Variants in MGAT3 observed in about 807,000 individuals in gnomAD.
MGAT3 encodes GlcNAc-T III.
In MGAT3, 9 loss-of-function variants were observed where a neutral mutation model predicts 29.8. The observed-to-expected ratio is 0.30, with a 90% CI of 0.18 to 0.53. MGAT3 has a LOEUF of 0.53. Among genes scored for constraint, MGAT3 ranks in the 20% least tolerant of loss-of-function variants. The probability of loss-of-function intolerance (pLI) is 0.96; values close to 1 mark genes in which losing one functional copy is unlikely to be tolerated. For missense variants in MGAT3, 557 were observed against 769.5 expected, an observed-to-expected ratio of 0.72 and a Z score of 3.27; for synonymous variants, 397 against 348.9, an observed-to-expected ratio of 1.14 and a Z score of -1.54.
intron 1 of MGAT3, among the ~76,000 whole-genome samples, chr22:39,482,525 C>T (rs1929155541): frequency 6.6e-6 from 1 of 152,178 alleles, no homozygotes; most frequent in Admixed American, 6.5e-5. Flanking sequence ...CTCGTTTTCT[C>T]CATCTGTTAA....
At chr22:39,466,925 G>T (rs191340981) in intron 1 of MGAT3, among the ~76,000 whole-genome samples, 2 of 152,104 alleles carry the variant, frequency 1.3e-5, no homozygotes, top group Non-Finnish European at 2.9e-5. Context: ...CTTTGTGCCC[G>T]GTACAGAGCA....
intron 1 of MGAT3, among the ~76,000 whole-genome samples, chr22:39,482,139 C>T (rs1475429855): frequency 6.8e-6 from 1 of 146,250 alleles, no homozygotes; most frequent in Admixed American, 7.1e-5. Context: ...AGAAAGTAGG[C>T]ACTGCTAATT....
At position 39,490,942 on chromosome 22, in the gene MGAT3, G is replaced by A. The variant is rs541533597; in HGVS notation, c.*1993G>A. On this transcript the variant is annotated 3_prime_UTR_variant, in exon 2 of 2. Transcript: ENST00000341184. ...GCTAAAGGGGATGCAGGGTCTGTCTGTCTGTCTGTCTTTCAGTCTGAGGAA... is the reference window on the plus strand; with the variant it reads ...GCTAAAGGGGATGCAGGGTCTGTCTATCTGTCTGTCTTTCAGTCTGAGGAA... 6.0e-6 allele frequency: 1 copy of A among 167,092 alleles called. No homozygotes were observed. Among genetic ancestry groups the A allele is most frequent in the Non-Finnish European group, 1.5e-5 (1 of 68,146 alleles). The allele number at this position is 167,092 out of a possible 1,614,324, so 10.4% of individuals were successfully genotyped here. A position where few individuals can be genotyped will look rare whatever the true frequency, so the allele number is the denominator to read the frequency against.
chr22:39,472,529 G>A (rs1045025172), intron 1 of MGAT3, among the ~76,000 whole-genome samples: 3 of 152,132 alleles, frequency 2.0e-5, no homozygotes, highest in African/African-American at 7.2e-5. Context: ...TTTACTGAGC[G>A]CTTGGCCCTG....
At position 39,487,923 on chromosome 22, in the gene MGAT3, C is replaced by A; in HGVS notation, c.576C>A (p.Asn192Lys). Residue 192 changes from asparagine (N) to lysine (K), a missense_variant, in exon 2 of 2, where the codon AAC (asparagine) becomes AAA (lysine). Asn to Lys is a moderately conservative substitution (Grantham distance 94, BLOSUM62 0). Around this residue, in one of 3 missense-constraint regions of MGAT3, gnomAD observed 243 missense variants for 444.0 expected, o/e 0.55. Coordinates refer to ENST00000341184, the MANE Select transcript of MGAT3 (RefSeq NM_002409.5). The surrounding 1 kb of genome is among the most constrained non-coding windows in gnomAD (Gnocchi z 5.7). ...CGVPTVVQYS[N>K]LPTKERLVPR... ...TGCCCACTGTGGTGCAGTACTCCAA[C>A]CTGCCCACCAAGGAGCGGCTGGTGC... 1.2e-6 allele frequency: 2 copies of A among 1,606,684 alleles called. No individual in the cohort carries two copies. The highest frequency in any genetic ancestry group is 1.7e-5 in the Admixed American group (1 of 59,674).
intron 1 of MGAT3, among the ~76,000 whole-genome samples, chr22:39,473,133 A>T (rs1461202081): frequency 6.6e-6 from 1 of 151,996 alleles, no homozygotes; most frequent in Non-Finnish European, 1.5e-5. Context: ...GCCCCGTCAG[A>T]GGGCGGCTCT....
chr22:39,463,247 A>G (rs887118219), intron 1 of MGAT3, among the ~76,000 whole-genome samples: 3 of 152,196 alleles, frequency 2.0e-5, no homozygotes, highest in African/African-American at 7.2e-5. Flanking sequence ...GGCAAGCACT[A>G]TTATCATCCC....
intron 1 of MGAT3, among the ~76,000 whole-genome samples, chr22:39,458,212 A>C (rs1269398295): frequency 1.3e-5 from 2 of 152,006 alleles, no homozygotes; most frequent in African/African-American, 4.8e-5. Context: ...GCAAATAGTG[A>C]GTTCTGGAAC....
intron 1 of MGAT3, among the ~76,000 whole-genome samples, chr22:39,481,183 T>C (rs1191228022): frequency 1.3e-5 from 2 of 152,128 alleles, no homozygotes; most frequent in Non-Finnish European, 2.9e-5. Context: ...CTGGCGCACA[T>C]ACACTCCTGC....
At chr22:39,471,979 G>A (rs8140881) in intron 1 of MGAT3, among the ~76,000 whole-genome samples, 3 of 152,152 alleles carry the variant, frequency 2.0e-5, no homozygotes, top group Non-Finnish European at 2.9e-5. Context: ...CCTAGAGGGC[G>A]AGGTATTGGA....
rs1568997696 is a variant in MGAT3 at position 39,459,083 on chromosome 22, T to TTCTTTTCTTTTCTTTTC, written c.-2+1527_-2+1528insCTTTTCTTTTCTTTTCT. On this transcript the variant is annotated intron_variant, in intron 1 of 1. Coordinates refer to ENST00000341184, the MANE Select transcript of MGAT3 (RefSeq NM_002409.5). ...TTTTCTTTTCTTTTCTTTTTTTTTTTTTTTTTTTGAGATGGAGCCTCACTC... is the reference window on the plus strand; with the variant it reads ...TTTTCTTTTCTTTTCTTTTTTTTTTTTCTTTTCTTTTCTTTTCTTTTTTTTGAGATGGAGCCTCACTC... Among the ~76,000 whole-genome samples the TTCTTTTCTTTTCTTTTC allele has an allele frequency of 4.4e-3, 651 of 147,016 alleles. 4 individuals carry two copies. The highest frequency in any genetic ancestry group is 0.016 in the African/African-American group (622 of 39,314).
Position 39,457,840 on chromosome 22 carries a change from CG to C in MGAT3, c.-2+285del. Among the ~76,000 whole-genome samples the C allele has an allele frequency of 6.6e-6, 1 of 151,436 alleles. No homozygotes were observed. Among genetic ancestry groups the C allele is most frequent in the South Asian group, 2.1e-4 (1 of 4,828 alleles). On this transcript the variant is annotated intron_variant, in intron 1 of 1. Transcript: ENST00000341184. The surrounding 1 kb of genome is among the most constrained non-coding windows in gnomAD (Gnocchi z 6.8). ...AGCCTCAGCGCCCGACCCCCTCCCA[CG>C]GCCGGGCGGGGGACGTCCCCGAGGC...
intron 1 of MGAT3, among the ~76,000 whole-genome samples, chr22:39,472,412 C>G (rs1004337885): frequency 1.3e-5 from 2 of 152,322 alleles, no homozygotes; most frequent in Non-Finnish European, 2.9e-5. Context: ...CTATCCTCGT[C>G]CCACTGAGAA....
intron 1 of MGAT3, among the ~76,000 whole-genome samples, chr22:39,475,644 T>C (rs1346003724): frequency 6.6e-6 from 1 of 152,102 alleles, no homozygotes; most frequent in East Asian, 1.9e-4. Context: ...CCTGGGATGC[T>C]CCCTTGCTCC....
At chr22:39,464,264 G>A (rs1270000191) in intron 1 of MGAT3, among the ~76,000 whole-genome samples, 2 of 152,088 alleles carry the variant, frequency 1.3e-5, no homozygotes, top group African/African-American at 4.8e-5. Context: ...TGCTACCTGG[G>A]GCCTGGCACA....
In MGAT3 at chr22:39,487,393, GGCC is replaced by G; in HGVS notation, c.47_49del (p.Gly16_Leu17delinsVal). On this transcript the variant is annotated inframe_deletion, in exon 2 of 2. Coordinates refer to ENST00000341184, the MANE Select transcript of MGAT3 (RefSeq NM_002409.5). This position sits in a 1 kb window ranked among gnomAD's most constrained non-coding sequence, Gnocchi z 5.7. ...GCTCTTTCTCATGTTCTGTATGGCC[GGCC>G]TGTGCCTCATCTCCTTCCTGCACTT... 1 of 1,613,462 alleles carries G rather than the reference GGCC, an allele frequency of 6.2e-7. No individual in the cohort carries two copies. Among genetic ancestry groups the G allele is most frequent in the Non-Finnish European group, 8.5e-7 (1 of 1,179,942 alleles).
chr22:39,488,317 C>A lies in MGAT3; in HGVS notation c.970C>A (p.Arg324Ser), dbSNP rs147617044. 17 of 1,611,886 alleles carry A rather than the reference C, an allele frequency of 1.1e-5. No individual in the cohort carries two copies. Among genetic ancestry groups the A allele is most frequent in the African/African-American group, 2.7e-5 (2 of 74,954 alleles). ...IIDDADEIPA[R>S]DGVLFLKLYD... ...TGACGATGCGGACGAGATCCCGGCC[C>A]GTGACGGCGTCCTTTTCCTCAAGCT... The change falls in exon 2 of 2, where the codon CGT (arginine) becomes AGT (serine). Residue 324 changes from arginine to serine, a missense_variant. Physicochemically the swap from Arg to Ser is moderately radical, Grantham distance 110 (BLOSUM62 -1). This residue lies in a region of MGAT3 where 243 missense variants were observed against 444.0 expected (regional missense o/e 0.55). Coordinates refer to ENST00000341184, the MANE Select transcript of MGAT3 (RefSeq NM_002409.5).
At chr22:39,467,829 A>AAG (rs1555886579) in intron 1 of MGAT3, among the ~76,000 whole-genome samples, 136 of 149,580 alleles carry the variant, frequency 9.1e-4, no homozygotes, top group African/African-American at 3.3e-3. Context: ...AAAAAAAAAA[A>AAG]GAGGTAGAAC....
chr22:39,485,589 G>A (rs1390024244), intron 1 of MGAT3, among the ~76,000 whole-genome samples: 3 of 152,154 alleles, frequency 2.0e-5, no homozygotes, highest in East Asian at 1.9e-4. Context: ...TCAGGAGTTC[G>A]AGACCTGCCT....
Sources: allele counts gnomAD v4.1 joint callset (sites outside exome capture counted in the v4.1 genomes callset), GRCh38; gene constraint gnomAD v4.1.1; regional missense constraint gnomAD v4.1.1; non-coding constraint Gnocchi (gnomAD v3.1); transcripts MANE v1.5; gene names NCBI Gene and HGNC (gene_info 2026-07-23, HGNC 2026-07-21).